The following VTI1A variants were observed in gnomAD, a reference collection of about 807,000 sequenced individuals.
VTI1A encodes the protein vesicle transport through interaction with t-SNAREs 1A.
In VTI1A, 22 loss-of-function variants were observed where a neutral mutation model predicts 34.9. The observed-to-expected ratio is 0.63, with a 90% CI of 0.45 to 0.90. The LOEUF is 0.90. Among genes scored for constraint, VTI1A ranks in the 40% least tolerant of loss-of-function variants. The pLI is 0.00. For missense variants in VTI1A, 268 were observed against 275.6 expected (o/e 0.97, Z 0.20); for synonymous variants, 87 against 97.3 (o/e 0.89, Z 0.62).
At chr10:112,460,456 A>G (rs139427474) in intron 1 of VTI1A, 68 bp from the exon 2 acceptor site, 23 of 1,408,644 alleles carry the variant, frequency 1.6e-5, no homozygotes, top group Non-Finnish European at 2.0e-5. Context: ...GCATATAAAA[A>G]TTGAAGTTTT....
At chr10:112,554,538 C>T (rs1851478947) in intron 5 of VTI1A, among the ~76,000 whole-genome samples, 1 of 152,046 alleles carries the variant, frequency 6.6e-6, no homozygotes, top group African/African-American at 2.4e-5. Context: ...AAATCTAAAG[C>T]TATTCTGAAA....
chr10:112,849,739 G>C, the VTI1A span, among the ~76,000 whole-genome samples: 13 of 152,222 alleles, frequency 8.5e-5, no homozygotes, highest in Non-Finnish European at 1.6e-4. Flanking sequence ...GTTGTGATCC[G>C]CAACTTTTCC....
intron 7 of VTI1A, among the ~76,000 whole-genome samples, chr10:112,692,315 AAT>A (rs1431335094): frequency 6.6e-6 from 1 of 152,212 alleles, no homozygotes; most frequent in Non-Finnish European, 1.5e-5. Context: ...GGTCCTAGTA[AAT>A]GTACTTGTTT....
At chr10:112,489,040 C>A (rs1248748599) in intron 3 of VTI1A, among the ~76,000 whole-genome samples, 1 of 152,172 alleles carries the variant, frequency 6.6e-6, no homozygotes, top group South Asian at 2.1e-4. Context: ...TAAACTCAAG[C>A]AACATCAGAA....
intron 5 of VTI1A, among the ~76,000 whole-genome samples, chr10:112,633,048 G>A (rs1589999564): frequency 6.6e-6 from 1 of 152,144 alleles, no homozygotes. Flanking sequence ...TGGGCTGGGC[G>A]TGGTGGCTCA....
At chr10:112,504,232 AT>A (rs1202756952) in intron 3 of VTI1A, among the ~76,000 whole-genome samples, 1 of 152,148 alleles carries the variant, frequency 6.6e-6, no homozygotes, top group African/African-American at 2.4e-5. Context: ...TTCCACTTCT[AT>A]TCCCTATCCC....
chr10:112,564,937 A>G (rs1158163600), intron 5 of VTI1A, among the ~76,000 whole-genome samples: 2 of 152,106 alleles, frequency 1.3e-5, no homozygotes, highest in Non-Finnish European at 2.9e-5. Flanking sequence ...TCAAATATAC[A>G]TATACTTACA....
intron 5 of VTI1A, among the ~76,000 whole-genome samples, chr10:112,593,104 A>T (rs566227337): frequency 5.2e-4 from 79 of 152,332 alleles, no homozygotes; most frequent in African/African-American, 1.8e-3. Context: ...TTCCTAAAGA[A>T]AGCAGTGAGA....
intron 7 of VTI1A, among the ~76,000 whole-genome samples, chr10:112,739,204 C>T (rs191711690): frequency 3.9e-5 from 6 of 152,310 alleles, no homozygotes; most frequent in East Asian, 1.9e-4. Flanking sequence ...CACTTCCTCC[C>T]GCCTTATCGA....
At chr10:112,784,107 T>G (rs1852214280) in intron 7 of VTI1A, among the ~76,000 whole-genome samples, 1 of 152,228 alleles carries the variant, frequency 6.6e-6, no homozygotes, top group Non-Finnish European at 1.5e-5. Flanking sequence ...TTTTTTCTCT[T>G]CTCGTGTTTT....
At chr10:112,593,516 T>G (rs2134441218) in intron 5 of VTI1A, among the ~76,000 whole-genome samples, 1 of 152,202 alleles carries the variant, frequency 6.6e-6, no homozygotes, top group African/African-American at 2.4e-5. Flanking sequence ...TCTCATAACA[T>G]TCATTGGAAT....
intron 7 of VTI1A, among the ~76,000 whole-genome samples, chr10:112,780,750 A>G (rs75780407): frequency 0.072 from 11,020 of 152,058 alleles, 649 homozygotes; most frequent in African/African-American, 0.16. Flanking sequence ...AATCCTTACT[A>G]TGGTCCACAG....
At chr10:112,666,567 A>G (rs78432510) in intron 5 of VTI1A, among the ~76,000 whole-genome samples, 1,844 of 152,268 alleles carry the variant, frequency 0.012, 40 homozygotes, top group African/African-American at 0.043. Flanking sequence ...GGATTCAATG[A>G]TTCTTTGTTG....
In VTI1A at chr10:112,545,999, T is replaced by TAC. The variant is rs1319258048; in HGVS notation, c.427+7670_427+7671dup. Among the ~76,000 whole-genome samples the TAC allele has an allele frequency of 2.2e-4, 32 of 144,052 alleles. 3 individuals are homozygous for TAC. In the South Asian group the frequency reaches 2.8e-3, roughly 13 times the overall value. 94.5% of individuals were successfully genotyped at this position (144,052 alleles called of 152,430 possible). A position where few individuals can be genotyped will look rare whatever the true frequency, so the allele number is the denominator to read the frequency against. Reference sequence around the variant, plus strand: ...ACGTATGTGTGTGTATATACGTGTATACGCGTATGTGTGTGTATATACGTG... The same window carrying TAC: ...ACGTATGTGTGTGTATATACGTGTATACACGCGTATGTGTGTGTATATACGTG... On this transcript the variant is annotated intron_variant, in intron 5 of 7. Coordinates refer to ENST00000393077, the MANE Select transcript of VTI1A (RefSeq NM_145206.4).
intron 7 of VTI1A, among the ~76,000 whole-genome samples, chr10:112,761,362 A>G (rs1336269650): frequency 1.3e-5 from 2 of 152,164 alleles, no homozygotes; most frequent in Non-Finnish European, 2.9e-5. Context: ...CAGCCTTAGG[A>G]TTACCCCTCA....
chr10:112,670,014 T>A (rs1847791723), intron 7 of VTI1A, among the ~76,000 whole-genome samples: 2 of 152,160 alleles, frequency 1.3e-5, no homozygotes, highest in African/African-American at 4.8e-5. Context: ...ACATTTCCCC[T>A]CATTTCCTTG....
intron 7 of VTI1A, among the ~76,000 whole-genome samples, chr10:112,680,181 G>C (rs1848166728): frequency 3.9e-5 from 6 of 152,158 alleles, no homozygotes; most frequent in Admixed American, 3.9e-4. Context: ...ACAAGACACT[G>C]AAAACTCAAG....
chr10:112,576,500 T>G (rs1171873292), intron 5 of VTI1A, among the ~76,000 whole-genome samples: 1 of 152,202 alleles, frequency 6.6e-6, no homozygotes, highest in Non-Finnish European at 1.5e-5. Context: ...AACTTTGGAA[T>G]CTGAAGATAA....
chr10:112,576,511 TA>T (rs1205712324), intron 5 of VTI1A, among the ~76,000 whole-genome samples: 1 of 152,110 alleles, frequency 6.6e-6, no homozygotes, highest in Non-Finnish European at 1.5e-5. Context: ...CTGAAGATAA[TA>T]AAAAAATTTC....
Sources: gnomAD v4.1 joint callset for allele counts (sites outside exome capture counted in the v4.1 genomes callset) on GRCh38, gnomAD v4.1.1 for gene constraint, MANE v1.5 for transcripts, NCBI Gene and HGNC (gene_info 2026-07-23, HGNC 2026-07-21) for gene names.